The following PRKD1 variants were observed in gnomAD, a reference collection of about 807,000 sequenced individuals.
PRKD1 encodes the protein serine/threonine-protein kinase D1.
In PRKD1, 63 loss-of-function variants were observed where a neutral mutation model predicts 95.9. The observed-to-expected ratio is 0.66, with a 90% CI of 0.54 to 0.81. The LOEUF (loss-of-function observed/expected upper bound fraction) is 0.81. PRKD1 is among the 30% of genes least tolerant of loss of function. The probability of loss-of-function intolerance (pLI) is 0.00; values close to 1 mark genes in which losing one functional copy is unlikely to be tolerated. For synonymous variants in PRKD1, 425 were observed against 423.1 expected, an observed-to-expected ratio of 1.00 and a Z score of -0.05; for missense variants, 1,048 against 1,165.3, an observed-to-expected ratio of 0.90 and a Z score of 1.47.
intron 2 of PRKD1, among the ~76,000 whole-genome samples, chr14:29,669,762 G>C (rs1882733926): frequency 6.6e-6 from 1 of 152,152 alleles, no homozygotes; most frequent in Non-Finnish European, 1.5e-5. Flanking sequence ...GAGCTACTTA[G>C]GAGGCTGAGG....
At chr14:29,669,740 C>T (rs1183855487) in intron 2 of PRKD1, among the ~76,000 whole-genome samples, 1 of 152,052 alleles carries the variant, frequency 6.6e-6, no homozygotes, top group Non-Finnish European at 1.5e-5. Context: ...TGGTGGCATG[C>T]ACCTGTAATC....
rs757900101 is a variant in PRKD1, at chr14:29,638,762, C to T, written c.839G>A (p.Arg280Gln). 15 of 1,612,198 alleles carry T rather than the reference C, an allele frequency of 9.3e-6. No individual in the cohort carries two copies. The highest frequency in any genetic ancestry group is 1.7e-5 in the Admixed American group (1 of 59,906). The change falls in exon 5 of 18, where the codon CGG becomes CAG. Residue 280 changes from arginine (R) to glutamine (Q), a missense_variant. Transcript: ENST00000331968. ...CTTGCAGTACTGGCACACTGTGGGCCGGGTGTAGGAGTGGATGACAAATGT... is the reference window on the plus strand; with the variant it reads ...CTTGCAGTACTGGCACACTGTGGGCTGGGTGTAGGAGTGGATGACAAATGT... Reference protein sequence around the residue: ...PHTFVIHSYTRPTVCQYCKKL... With the variant: ...PHTFVIHSYTQPTVCQYCKKL...
intron 1 of PRKD1, among the ~76,000 whole-genome samples, chr14:29,801,472 T>C (rs955894952): frequency 6.6e-6 from 1 of 152,190 alleles, no homozygotes; most frequent in African/African-American, 2.4e-5. Flanking sequence ...AAGAACCACT[T>C]GAGGCAATCG....
rs116470629 is a variant in PRKD1, at chr14:29,688,653, G to A, written c.404-22445C>T. 9.2e-3 allele frequency among the ~76,000 whole-genome samples: 1,396 copies of A among 152,072 alleles called. 23 individuals are homozygous for A. The highest frequency in any genetic ancestry group is 0.032 in the African/African-American group (1,344 of 41,476). The stretch of plus-strand genomic sequence containing the variant: ...GATTAAAGACTTAAATTTAAAACCC[G>A]AGGCATGATGGTTCGTCCCTGTAAT... On this transcript the variant is annotated intron_variant, in intron 2 of 17. Transcript: ENST00000331968.
chr14:29,913,511 T>C (rs1250627925), intron 1 of PRKD1, among the ~76,000 whole-genome samples: 2 of 152,228 alleles, frequency 1.3e-5, no homozygotes, highest in African/African-American at 4.8e-5. Flanking sequence ...CCTCACTCTA[T>C]GTTTACTTTT....
At chr14:29,694,163 A>G (rs1169541938) in intron 2 of PRKD1, among the ~76,000 whole-genome samples, 1 of 152,192 alleles carries the variant, frequency 6.6e-6, no homozygotes, top group Non-Finnish European at 1.5e-5. Flanking sequence ...ATTTATTGAA[A>G]TGATGTTAAA....
At chr14:29,612,594 T>C (rs1878543457) in intron 13 of PRKD1, among the ~76,000 whole-genome samples, 1 of 152,204 alleles carries the variant, frequency 6.6e-6, no homozygotes, top group Non-Finnish European at 1.5e-5. Flanking sequence ...CCTAGCCTTT[T>C]GACACTAACT....
At chr14:29,673,444 C>G (rs1882981451) in intron 2 of PRKD1, among the ~76,000 whole-genome samples, 1 of 152,220 alleles carries the variant, frequency 6.6e-6, no homozygotes, top group Non-Finnish European at 1.5e-5. Flanking sequence ...ATCCACACCT[C>G]AGCTCAGTGT....
intron 2 of PRKD1, among the ~76,000 whole-genome samples, chr14:29,686,230 A>G (rs138099391): frequency 6.6e-6 from 1 of 152,214 alleles, no homozygotes; most frequent in Non-Finnish European, 1.5e-5. Flanking sequence ...GTGCTCCACA[A>G]TTTGGCTGGT....
chr14:29,821,217 G>C (rs1206195396), intron 1 of PRKD1, among the ~76,000 whole-genome samples: 1 of 152,130 alleles, frequency 6.6e-6, no homozygotes, highest in Admixed American at 6.5e-5. Flanking sequence ...CTGTGTTCTT[G>C]TATTCTCTAA....
At chr14:29,581,920 C>T (rs1332325359) in intron 16 of PRKD1, among the ~76,000 whole-genome samples, 1 of 152,132 alleles carries the variant, frequency 6.6e-6, no homozygotes, top group Non-Finnish European at 1.5e-5. Flanking sequence ...AACTGCCAGG[C>T]CTATTAATTA....
intron 13 of PRKD1, among the ~76,000 whole-genome samples, chr14:29,605,438 C>T (rs1171981528): frequency 1.3e-5 from 2 of 152,212 alleles, no homozygotes; most frequent in Non-Finnish European, 2.9e-5. Context: ...GCCACACTCT[C>T]TCCTTTCTAT....
At chr14:29,866,073 T>C (rs994515142) in intron 1 of PRKD1, among the ~76,000 whole-genome samples, 1 of 152,170 alleles carries the variant, frequency 6.6e-6, no homozygotes, top group Non-Finnish European at 1.5e-5. Flanking sequence ...TTTTCAGCCA[T>C]GTCAGATGAT....
chr14:29,644,600 AT>A (rs1215611204), intron 4 of PRKD1, among the ~76,000 whole-genome samples: 1 of 151,302 alleles, frequency 6.6e-6, no homozygotes, highest in East Asian at 1.9e-4. Flanking sequence ...AAAAAAAAAA[AT>A]TTAAAAACTT....
intron 13 of PRKD1, among the ~76,000 whole-genome samples, chr14:29,600,041 GA>G (rs1046323872): frequency 1.3e-5 from 2 of 151,962 alleles, no homozygotes; most frequent in Non-Finnish European, 2.9e-5. Context: ...ATTTCTATGT[GA>G]AAAAAATCCA....
intron 4 of PRKD1, among the ~76,000 whole-genome samples, chr14:29,646,405 C>T (rs1881122825): frequency 6.6e-6 from 1 of 152,028 alleles, no homozygotes. Context: ...GTCTGTAACA[C>T]AAAGGATAAA....
chr14:29,674,621 A>T (rs1691665037), intron 2 of PRKD1, among the ~76,000 whole-genome samples: 1 of 152,218 alleles, frequency 6.6e-6, no homozygotes, highest in Non-Finnish European at 1.5e-5. Context: ...CCCTGAATAG[A>T]GGGAAAGAAA....
chr14:29,881,292 A>C (rs752030483), intron 1 of PRKD1, among the ~76,000 whole-genome samples: 1 of 152,180 alleles, frequency 6.6e-6, no homozygotes, highest in East Asian at 1.9e-4. Context: ...TGATGGGTTT[A>C]TCAGGGGCTT....
chr14:29,663,891 G>T (rs1177237097), intron 3 of PRKD1, 32 bp from the exon 4 acceptor site: 1 of 1,593,658 alleles, frequency 6.3e-7, no homozygotes, highest in South Asian at 1.1e-5. Flanking sequence ...TATTTTTATT[G>T]AACCATAAAT....
Sources: allele counts gnomAD v4.1 joint callset (sites outside exome capture counted in the v4.1 genomes callset), GRCh38; gene constraint gnomAD v4.1.1; transcripts MANE v1.5; gene names NCBI Gene and HGNC (gene_info 2026-07-23, HGNC 2026-07-21).